Variants in DCAF11 observed in about 807,000 individuals in gnomAD.
DCAF11 encodes the protein DDB1- and CUL4-associated factor 11.
A neutral mutation model predicts 76.1 loss-of-function variants in DCAF11; 44 were observed. The observed-to-expected ratio is 0.58, with a 90% CI of 0.45 to 0.74. DCAF11 has a LOEUF of 0.74. Ranked by LOEUF, DCAF11 falls within the 30% of genes least tolerant of loss-of-function variation. The pLI is 0.00. For missense variants in DCAF11, 604 were observed against 709.4 expected (o/e 0.85, Z 1.69); for synonymous variants, 258 against 255.0 (o/e 1.01, Z -0.11).
At position 24,117,263 on chromosome 14, in the gene DCAF11, C is replaced by T. The variant is rs2037598627; in HGVS notation, c.284-3C>T. 5 of 1,614,164 alleles carry T rather than the reference C, an allele frequency of 3.1e-6. No individual in the cohort carries two copies. The highest frequency in any genetic ancestry group is 4.2e-6 in the Non-Finnish European group (5 of 1,180,028). ...GGATGAAACTTCTCCTTGGTACTCA[C>T]AGTGGATGCTACCCCTGACACCCGG... On this transcript the variant is annotated splice_polypyrimidine_tract_variant and splice_region_variant and intron_variant, in intron 3 of 14. Transcript: ENST00000446197. This position sits in a 1 kb window ranked among gnomAD's most constrained non-coding sequence, Gnocchi z 4.3.
intron 13 of DCAF11, 95 bp downstream of exon 13, chr14:24,121,612 A>G: frequency 3.6e-6 from 5 of 1,404,142 alleles, no homozygotes; most frequent in Non-Finnish European, 4.8e-6. Context: ...TAAAAAGCCC[A>G]GTGACAGCTA....
In DCAF11 at chr14:24,121,571, C is replaced by T. The variant is rs1046424646; in HGVS notation, c.1399+54C>T. ...CAGGAAGGGCAGGAATGACTCCTTGCCATTCCACCTATAACGACTAGTGAC... is the reference window on the plus strand; with the variant it reads ...CAGGAAGGGCAGGAATGACTCCTTGTCATTCCACCTATAACGACTAGTGAC... On this transcript the variant is annotated intron_variant, in intron 13 of 14. Coordinates refer to ENST00000446197, the MANE Select transcript of DCAF11 (RefSeq NM_025230.5). 2.8e-5 allele frequency: 45 copies of T among 1,588,796 alleles called. No homozygotes were observed. The Middle Eastern group carries it at 5.0e-4, about 18-fold the overall frequency.
rs1263374662 is a variant in DCAF11, at chr14:24,120,906, T to C, written c.1161T>C (p.Phe387=). Residue 387 remains phenylalanine, a synonymous_variant, in exon 12 of 15, where the codon TTT becomes TTC. Coordinates refer to ENST00000446197, the MANE Select transcript of DCAF11 (RefSeq NM_025230.5). ...TCAAACTCTGGGATATCCGACGCTT[T>C]TCCAGCCGGGAAGGCATGGAAGCTT... The part of the protein sequence containing the change: ...QTIKLWDIRR[F]SSREGMEASR... The C allele has an allele frequency of 1.2e-6, 2 of 1,614,208 alleles. No homozygotes were observed. The highest frequency in any genetic ancestry group is 3.3e-5 in the Admixed American group (2 of 60,032).
chr14:24,117,123 GA>G lies in DCAF11; in HGVS notation c.283+82del. The G allele has an allele frequency of 6.2e-7, 1 of 1,610,354 alleles. No individual in the cohort carries two copies. The highest frequency in any genetic ancestry group is 1.3e-5 in the African/African-American group (1 of 74,774). On this transcript the variant is annotated intron_variant, in intron 3 of 14. Coordinates refer to ENST00000446197, the MANE Select transcript of DCAF11 (RefSeq NM_025230.5). This position sits in a 1 kb window ranked among gnomAD's most constrained non-coding sequence, Gnocchi z 4.3. ...GATATTTTGAATGATAGGTTACATT[GA>G]AAGAAGGTACGATAATTTAAGGAAT...
chr14:24,121,717 C>G (rs1248118871), intron 13 of DCAF11, 200 bp downstream of exon 13: 1 of 618,070 alleles, frequency 1.6e-6, no homozygotes. Flanking sequence ...ACATAGAATT[C>G]TAGACAGTAA....
At position 24,123,297 on chromosome 14, in the gene DCAF11, C is replaced by T; in HGVS notation, c.1629C>T (p.Ser543=). The change falls in exon 15 of 15, where the codon TCC becomes TCT. Residue 543 remains serine (S), a synonymous_variant. Transcript: ENST00000446197. ...TGCCCCAATCCTCTACACCCTTTTC[C>T]TCACCCCAGTAGATCCAACCTCCAG... ...APVPQSSTPF[S]SPQ is the part of the protein sequence containing the mutation. The T allele has an allele frequency of 6.5e-7, 1 of 1,534,784 alleles. No homozygotes were observed.
In DCAF11 at chr14:24,117,425, G is replaced by A. The variant is rs898736384; in HGVS notation, c.411+32G>A. On this transcript the variant is annotated intron_variant, in intron 4 of 14. Coordinates refer to ENST00000446197, the MANE Select transcript of DCAF11 (RefSeq NM_025230.5). The surrounding 1 kb of genome is among the most constrained non-coding windows in gnomAD (Gnocchi z 4.3). ...CTCTCCACCTCCCAGCCTGGCAGCA[G>A]GCCTGCCAAAGCAGCCAGAAGCTCT... 4 of 1,612,228 alleles carry A rather than the reference G, an allele frequency of 2.5e-6. No individual in the cohort carries two copies. The highest frequency in any genetic ancestry group is 3.4e-6 in the Non-Finnish European group (4 of 1,178,866).
rs750242502 is a variant in DCAF11 at position 24,120,901 on chromosome 14, C to T, written c.1156C>T (p.Arg386Cys). 1.1e-5 allele frequency: 18 copies of T among 1,614,096 alleles called. No homozygotes were observed. Among genetic ancestry groups the T allele is most frequent in the Admixed American group, 1.7e-5 (1 of 60,010 alleles). Reference sequence around the variant, plus strand: ...GACCATCAAACTCTGGGATATCCGACGCTTTTCCAGCCGGGAAGGCATGGA... The same window carrying T: ...GACCATCAAACTCTGGGATATCCGATGCTTTTCCAGCCGGGAAGGCATGGA... ...DQTIKLWDIR[R>C]FSSREGMEAS... The change falls in exon 12 of 15, where the codon CGC (arginine) becomes TGC (cysteine). Residue 386 changes from arginine (R) to cysteine (C), a missense_variant. Arg to Cys is a radical substitution (Grantham distance 180, BLOSUM62 -3). Transcript: ENST00000446197.
chr14:24,116,824 C>T (rs1461543239), intron 2 of DCAF11, 93 bp from the exon 3 acceptor site: 3 of 1,570,940 alleles, frequency 1.9e-6, no homozygotes, highest in African/African-American at 2.7e-5. Flanking sequence ...AAAATGAGTA[C>T]CAAGTGGTCT....
chr14:24,117,213 C>T lies in DCAF11; in HGVS notation c.284-53C>T. On this transcript the variant is annotated intron_variant, in intron 3 of 14. Transcript: ENST00000446197. This position sits in a 1 kb window ranked among gnomAD's most constrained non-coding sequence, Gnocchi z 4.3. Reference sequence around the variant, plus strand: ...GTGGGCTTGGGTACAGTTCTGCTAACTGTCCTCTGAGGCTGGCAGACCTAG... The same window carrying T: ...GTGGGCTTGGGTACAGTTCTGCTAATTGTCCTCTGAGGCTGGCAGACCTAG... 1 of 1,611,442 alleles carries T rather than the reference C, an allele frequency of 6.2e-7. No individual in the cohort carries two copies. Among genetic ancestry groups the T allele is most frequent in the Non-Finnish European group, 8.5e-7 (1 of 1,178,268 alleles).
chr14:24,116,452 T>C (rs529768419), intron 2 of DCAF11, among the ~76,000 whole-genome samples: 3 of 152,158 alleles, frequency 2.0e-5, no homozygotes, highest in African/African-American at 7.2e-5. Flanking sequence ...AGCCTGCAAC[T>C]CCTGGGCTCA....
rs560866985 is a variant in DCAF11, at chr14:24,116,900, T to C, written c.156-17T>C. On this transcript the variant is annotated splice_polypyrimidine_tract_variant and intron_variant, in intron 2 of 14. Coordinates refer to ENST00000446197, the MANE Select transcript of DCAF11 (RefSeq NM_025230.5). ...GGGGAAGAAGTCCCCTCCTTTATAA[T>C]GGGGGTCTCTCCACAGAGGCCAAGT... 8 of 1,613,964 alleles carry C rather than the reference T, an allele frequency of 5.0e-6. No homozygotes were observed. Among genetic ancestry groups the C allele is most frequent in the Middle Eastern group, 1.7e-4 (1 of 6,024 alleles).
chr14:24,120,898 C>A lies in DCAF11; in HGVS notation c.1153C>A (p.Arg385=), dbSNP rs149117330. ...KDQTIKLWDI[R]RFSSREGMEA... ...CCAGACCATCAAACTCTGGGATATC[C>A]GACGCTTTTCCAGCCGGGAAGGCAT... The change falls in exon 12 of 15, where the codon CGA becomes AGA. Residue 385 remains arginine (R), a synonymous_variant. Coordinates refer to ENST00000446197, the MANE Select transcript of DCAF11 (RefSeq NM_025230.5). 32 of 1,614,180 alleles carry A rather than the reference C, an allele frequency of 2.0e-5. No individual in the cohort carries two copies. The African/African-American group carries it at 3.9e-4, about 19-fold the overall frequency.
rs1156481725 is a variant in DCAF11 at position 24,123,044 on chromosome 14, G to A, written c.1473G>A (p.Trp491Ter). The A allele has an allele frequency of 6.2e-7, 1 of 1,614,122 alleles. No homozygotes were observed. Among genetic ancestry groups the A allele is most frequent in the South Asian group, 1.1e-5 (1 of 91,088 alleles). Residue 491 changes from tryptophan (W) to a stop codon, truncating the protein, a stop_gained, in exon 14 of 15, where the codon TGG (tryptophan) becomes TGA (stop). Transcript: ENST00000446197. LOFTEE classifies it high-confidence loss of function. ...NHKACVRDVS[W>*]HPFEEKIVSS... ...AGGCCTGTGTGCGTGACGTCAGTTG[G>A]CACCCCTTTGAAGAGAAGATTGTCA...
In DCAF11 at chr14:24,117,695, A is replaced by G; in HGVS notation, c.439A>G (p.Ser147Gly). 1.2e-6 allele frequency: 2 copies of G among 1,614,162 alleles called. No homozygotes were observed. The highest frequency in any genetic ancestry group is 1.7e-6 in the Non-Finnish European group (2 of 1,180,020). ...AGAACGGGGCCTCTGCCATCGGGGA[A>G]GCTTCTCCCTTGGAGAACAGTCTCG... ...QRERGLCHRG[S>G]FSLGEQSRVI... is the part of the protein sequence containing the mutation. The change falls in exon 5 of 15, where the codon AGC (serine) becomes GGC (glycine). Residue 147 changes from serine to glycine, a missense_variant. Ser to Gly is a moderately conservative substitution (Grantham distance 56, BLOSUM62 0). Transcript: ENST00000446197. The surrounding 1 kb of genome is among the most constrained non-coding windows in gnomAD (Gnocchi z 4.3).
chr14:24,115,404 C>G lies in DCAF11; in HGVS notation c.-191C>G, dbSNP rs755978331. On this transcript the variant is annotated 5_prime_UTR_variant, in exon 2 of 15. Coordinates refer to ENST00000446197, the MANE Select transcript of DCAF11 (RefSeq NM_025230.5). ...CAGGATTGGAGAAGGTTTGTGTTCC[C>G]GACGCCTTGGTAGTTGGCATAGGCT... 4.5e-6 allele frequency: 3 copies of G among 672,880 alleles called. No homozygotes were observed. The highest frequency in any genetic ancestry group is 6.9e-6 in the Non-Finnish European group (3 of 437,258). 41.7% of individuals were successfully genotyped at this position (672,880 alleles called of 1,614,324 possible).
chr14:24,119,489 T>C (rs2037648908), intron 9 of DCAF11, 70 bp from the exon 10 acceptor site: 10 of 1,579,628 alleles, frequency 6.3e-6, no homozygotes, highest in Non-Finnish European at 8.7e-6. Flanking sequence ...AGTGGAACTC[T>C]CTAGAGCATA....
chr14:24,117,584 C>T lies in DCAF11; in HGVS notation c.412-84C>T. 1.3e-6 allele frequency: 2 copies of T among 1,546,324 alleles called. No homozygotes were observed. ...TGTGTGTCCATTTCTATAACAAGAG[C>T]AATATCTTTGGAGGAGGGGGCTTGA... On this transcript the variant is annotated intron_variant, in intron 4 of 14. Coordinates refer to ENST00000446197, the MANE Select transcript of DCAF11 (RefSeq NM_025230.5). The surrounding 1 kb of genome is among the most constrained non-coding windows in gnomAD (Gnocchi z 4.3).
rs1262500609 is a variant in DCAF11, at chr14:24,118,372, A to T, written c.578-16A>T. The T allele has an allele frequency of 3.4e-5, 55 of 1,613,582 alleles. No individual in the cohort carries two copies. The highest frequency in any genetic ancestry group is 4.6e-5 in the Non-Finnish European group (54 of 1,179,582). ...GGAAACTGTCCCATAATTCTGCCTG[A>T]TCTTTACTTACACAGACCAGACAAT... On this transcript the variant is annotated splice_polypyrimidine_tract_variant and intron_variant, in intron 6 of 14. Coordinates refer to ENST00000446197, the MANE Select transcript of DCAF11 (RefSeq NM_025230.5).
Sources: allele counts gnomAD v4.1 joint callset (sites outside exome capture counted in the v4.1 genomes callset), GRCh38; gene constraint gnomAD v4.1.1; non-coding constraint Gnocchi (gnomAD v3.1); transcripts MANE v1.5; gene names NCBI Gene and HGNC (gene_info 2026-07-23, HGNC 2026-07-21).